The following CELF2 variants were observed in gnomAD, a reference collection of about 807,000 sequenced individuals.
CELF2 encodes CUGBP Elav-like family member 2.
CELF2 carries 8 observed loss-of-function variants against 62.6 expected under a neutral mutation model. That is an observed-to-expected ratio of 0.13 (90% confidence interval 0.07 to 0.23). The LOEUF (loss-of-function observed/expected upper bound fraction) is 0.23. Among genes scored for constraint, CELF2 ranks in the 10% least tolerant of loss-of-function variants. The pLI, the probability that CELF2 is intolerant of heterozygous loss-of-function variation, is 1.00. For missense variants in CELF2, 333 were observed against 671.0 expected (o/e 0.50, Z 5.56); for synonymous variants, 258 against 250.0 (o/e 1.03, Z -0.30).
chr10:11,068,599 C>T (rs1328265414), intron 1 of CELF2, among the ~76,000 whole-genome samples: 6 of 151,320 alleles, frequency 4.0e-5, no homozygotes, highest in South Asian at 2.1e-4. Flanking sequence ...CTTGCTCTGT[C>T]GCCCAGGCTG....
chr10:10,636,191 G>T, the CELF2 span, among the ~76,000 whole-genome samples: 4 of 152,078 alleles, frequency 2.6e-5, no homozygotes, highest in African/African-American at 9.7e-5. Context: ...CTGTTTTAAA[G>T]AATTCTCTGC....
intron 1 of CELF2, among the ~76,000 whole-genome samples, chr10:11,074,394 A>G (rs746112387): frequency 6.6e-6 from 1 of 152,210 alleles, no homozygotes; most frequent in Non-Finnish European, 1.5e-5. Flanking sequence ...GCCTAGGTCT[A>G]TTCTTAGAAA....
intron 2 of CELF2, among the ~76,000 whole-genome samples, chr10:10,962,626 G>A (rs1286789647): frequency 6.6e-6 from 1 of 152,208 alleles, no homozygotes; most frequent in Non-Finnish European, 1.5e-5. Flanking sequence ...TTGGGAGGCT[G>A]AGGCGGGAAG....
intron 2 of CELF2, among the ~76,000 whole-genome samples, chr10:10,925,453 C>G (rs2065373877): frequency 6.6e-6 from 1 of 151,864 alleles, no homozygotes; most frequent in African/African-American, 2.4e-5. Flanking sequence ...CGTGCTGTAC[C>G]TTGGTTGTGG....
At chr10:10,606,530 G>A in the CELF2 span, among the ~76,000 whole-genome samples, 42,126 of 151,916 alleles carry the variant, frequency 0.28, 6,232 homozygotes, top group South Asian at 0.51. Flanking sequence ...CACTCTCAAG[G>A]CCCTTAGCAC....
At chr10:10,999,559 T>C (rs907828521) in intron 2 of CELF2, among the ~76,000 whole-genome samples, 1 of 152,158 alleles carries the variant, frequency 6.6e-6, no homozygotes, top group African/African-American at 2.4e-5. Context: ...TATGATTGTG[T>C]CACTGCACTC....
the CELF2 span, among the ~76,000 whole-genome samples, chr10:10,717,661 T>A: frequency 0.02 from 2,972 of 152,296 alleles, 43 homozygotes; most frequent in African/African-American, 0.048. Context: ...CAGGAAGAAT[T>A]TATCACCATT....
the CELF2 span, among the ~76,000 whole-genome samples, chr10:10,474,616 T>G: frequency 3.2e-4 from 48 of 152,030 alleles, no homozygotes; most frequent in Non-Finnish European, 5.7e-4. Context: ...CATGTAAAAT[T>G]GGAAAAATGA....
intron 1 of CELF2, among the ~76,000 whole-genome samples, chr10:10,915,637 G>A (rs749158538): frequency 6.6e-6 from 1 of 152,000 alleles, no homozygotes; most frequent in Non-Finnish European, 1.5e-5. Context: ...GTATTGCTAT[G>A]TGGCCTAGAC....
intron 2 of CELF2, chr10:11,169,242 A>T (rs2068115043): frequency 6.6e-6 from 1 of 152,228 alleles, no homozygotes; most frequent in Admixed American, 6.5e-5. Flanking sequence ...AAACTCTAAA[A>T]GGGACAAGAA....
intron 2 of CELF2, among the ~76,000 whole-genome samples, chr10:10,959,661 G>C (rs866311921): frequency 1.3e-5 from 2 of 152,186 alleles, no homozygotes; most frequent in Non-Finnish European, 2.9e-5. Flanking sequence ...TATGCTTTCA[G>C]AAAATGCATA....
At chr10:11,216,445 C>G (rs1447244278) in intron 2 of CELF2, among the ~76,000 whole-genome samples, 1 of 152,130 alleles carries the variant, frequency 6.6e-6, no homozygotes, top group African/African-American at 2.4e-5. Context: ...TTTCCTCAAC[C>G]ACTTACCAAA....
At chr10:10,551,829 C>T in the CELF2 span, among the ~76,000 whole-genome samples, 12 of 152,266 alleles carry the variant, frequency 7.9e-5, no homozygotes, top group Non-Finnish European at 1.6e-4. Context: ...CCTCTGACCC[C>T]TTCCTCTGTC....
At chr10:11,168,473 A>G (rs1384678022) in intron 2 of CELF2, among the ~76,000 whole-genome samples, 1 of 152,202 alleles carries the variant, frequency 6.6e-6, no homozygotes, top group Non-Finnish European at 1.5e-5. Flanking sequence ...GTTGATACCT[A>G]TGCATGCCAT....
chr10:11,086,619 A>G (rs2046892364), intron 1 of CELF2, among the ~76,000 whole-genome samples: 1 of 131,458 alleles, frequency 7.6e-6, no homozygotes, highest in Non-Finnish European at 1.6e-5. Context: ...AACTCCCGAC[A>G]GCACCAGCAA....
At chr10:10,998,071 G>C (rs2054155554) in intron 2 of CELF2, among the ~76,000 whole-genome samples, 1 of 152,164 alleles carries the variant, frequency 6.6e-6, no homozygotes, top group South Asian at 2.1e-4. Flanking sequence ...TGTAAGATGT[G>C]ACTTTGCTCC....
the CELF2 span, among the ~76,000 whole-genome samples, chr10:10,533,974 A>T: frequency 6.6e-6 from 1 of 152,180 alleles, no homozygotes; most frequent in Non-Finnish European, 1.5e-5. Flanking sequence ...AAACTTAAAG[A>T]TCAATCAGCA....
At chr10:11,089,369 A>T (rs2141867490) in intron 1 of CELF2, among the ~76,000 whole-genome samples, 1 of 152,354 alleles carries the variant, frequency 6.6e-6, no homozygotes, top group African/African-American at 2.4e-5. Context: ...CTGAAGATAG[A>T]GGACTTTACA....
At chr10:10,532,886 C>A in the CELF2 span, among the ~76,000 whole-genome samples, 102 of 137,548 alleles carry the variant, frequency 7.4e-4, 3 homozygotes, top group East Asian at 0.018. Context: ...GACAAAATCT[C>A]AAAAAAAAAA....
Sources: allele counts gnomAD v4.1 joint callset (sites outside exome capture counted in the v4.1 genomes callset), GRCh38; gene constraint gnomAD v4.1.1; transcripts MANE v1.5; gene names NCBI Gene and HGNC (gene_info 2026-07-23, HGNC 2026-07-21).